The following FAM174B variants were observed in gnomAD, a reference collection of about 807,000 sequenced individuals.
FAM174B encodes the protein membrane protein FAM174B.
A neutral mutation model predicts 10.9 loss-of-function variants in FAM174B; 12 were observed. The observed-to-expected ratio is 1.10, with a 90% CI of 0.71 to 1.79. The LOEUF is 1.79. Among genes scored for constraint, FAM174B ranks in the 40% most tolerant of loss-of-function variants. The pLI, the probability that FAM174B is intolerant of heterozygous loss-of-function variation, is 0.00. For synonymous variants in FAM174B, 132 were observed against 115.8 expected (o/e 1.14, Z -0.90); for missense variants, 266 against 233.3 (o/e 1.14, Z -0.91).
chr15:92,639,523 G>C (rs913395390), intron 1 of FAM174B, among the ~76,000 whole-genome samples: 2 of 152,160 alleles, frequency 1.3e-5, no homozygotes, highest in Non-Finnish European at 2.9e-5. Context: ...AAAACATGCT[G>C]TAAAACTACA....
intron 2 of FAM174B, among the ~76,000 whole-genome samples, chr15:92,622,592 TCCC>T (rs1174962252): frequency 6.6e-6 from 1 of 152,224 alleles, no homozygotes; most frequent in Non-Finnish European, 1.5e-5. Flanking sequence ...GCTTTGGGGT[TCCC>T]CCGAGGAGGG....
intron 1 of FAM174B, among the ~76,000 whole-genome samples, chr15:92,642,339 A>G (rs532525230): frequency 6.6e-6 from 1 of 152,234 alleles, no homozygotes; most frequent in Non-Finnish European, 1.5e-5. Flanking sequence ...ATCAAAATAC[A>G]TGTCCACACA....
intron 2 of FAM174B, among the ~76,000 whole-genome samples, chr15:92,624,714 G>A (rs1158917474): frequency 1.3e-5 from 2 of 152,196 alleles, no homozygotes; most frequent in East Asian, 1.9e-4. Context: ...TAGAATGAAC[G>A]TCCACACCCC....
At chr15:92,627,889 C>T (rs1427640109) in intron 2 of FAM174B, among the ~76,000 whole-genome samples, 4 of 152,072 alleles carry the variant, frequency 2.6e-5, no homozygotes, top group Non-Finnish European at 5.9e-5. Context: ...AATGGCTTAG[C>T]GATAAAATCA....
chr15:92,622,304 G>A (rs543811357), intron 2 of FAM174B, among the ~76,000 whole-genome samples: 218 of 152,316 alleles, frequency 1.4e-3, no homozygotes, highest in African/African-American at 5.1e-3. Flanking sequence ...TCCTTCACGC[G>A]CCTCCACGGG....
intron 2 of FAM174B, among the ~76,000 whole-genome samples, chr15:92,620,591 G>A (rs2050713002): frequency 6.6e-6 from 1 of 152,132 alleles, no homozygotes; most frequent in Non-Finnish European, 1.5e-5. Context: ...ACGGCGGGTG[G>A]ATCACTTGAG....
intron 2 of FAM174B, among the ~76,000 whole-genome samples, chr15:92,629,875 G>A (rs553005917): frequency 4.6e-5 from 7 of 152,100 alleles, no homozygotes; most frequent in Non-Finnish European, 7.3e-5. Context: ...TTTTCTAAGG[G>A]GGAGTTCCCC....
chr15:92,619,755 C>T (rs2050706795), intron 2 of FAM174B: 1 of 469,190 alleles, frequency 2.1e-6, no homozygotes. Flanking sequence ...AGGGTGTTTA[C>T]ACTAGGGGTT....
Sources: allele counts gnomAD v4.1 joint callset (sites outside exome capture counted in the v4.1 genomes callset), GRCh38; gene constraint gnomAD v4.1.1; transcripts MANE v1.5; gene names NCBI Gene and HGNC (gene_info 2026-07-23, HGNC 2026-07-21).